The following PRKG1 variants were observed in gnomAD, a reference collection of about 807,000 sequenced individuals.
PRKG1 encodes protein kinase cGMP-dependent 1.
A neutral mutation model predicts 88.1 loss-of-function variants in PRKG1; 35 were observed. The observed-to-expected ratio is 0.40, with a 90% CI of 0.30 to 0.53. The LOEUF is 0.53. Among genes scored for constraint, PRKG1 ranks in the 20% least tolerant of loss-of-function variants. The pLI, the probability that PRKG1 is intolerant of heterozygous loss-of-function variation, is 0.59. For missense variants in PRKG1, 540 were observed against 839.8 expected (o/e 0.64, Z 4.41); for synonymous variants, 303 against 292.5 (o/e 1.04, Z -0.37).
At chr10:51,307,841 C>T (rs1841077913) in intron 2 of PRKG1, among the ~76,000 whole-genome samples, 2 of 151,992 alleles carry the variant, frequency 1.3e-5, no homozygotes, top group Admixed American at 6.6e-5. Context: ...GTATTAAGAG[C>T]AGATTAATAT....
chr10:51,574,488 C>T (rs12261557), intron 3 of PRKG1, among the ~76,000 whole-genome samples: 11,196 of 151,880 alleles, frequency 0.074, 1,375 homozygotes, highest in African/African-American at 0.25. Flanking sequence ...TAAATAATAA[C>T]GCTGTTAAGC....
At chr10:51,015,908 A>T (rs1336375081) in intron 1 of PRKG1, among the ~76,000 whole-genome samples, 3 of 152,120 alleles carry the variant, frequency 2.0e-5, no homozygotes, top group Non-Finnish European at 4.4e-5. Context: ...AAAAAAAGAG[A>T]TAGAGGAAGC....
rs1007864195 is a variant in PRKG1, at chr10:50,991,844, G to A, written c.266+200G>A. 2.6e-5 allele frequency among the ~76,000 whole-genome samples: 4 copies of A among 152,146 alleles called. No individual in the cohort carries two copies. Among genetic ancestry groups the A allele is most frequent in the African/African-American group, 9.6e-5 (4 of 41,452 alleles). ...CCCATCACGTGCTGTGCTTGTCTCC[G>A]CCGGGCTGGGAAAGGCGAGCTGCAC... On this transcript the variant is annotated intron_variant, in intron 1 of 17. Coordinates refer to the PRKG1 transcript ENST00000401604. The surrounding 1 kb of genome is among the most constrained non-coding windows in gnomAD (Gnocchi z 4.5).
At chr10:51,051,910 C>T (rs1021503243) in intron 1 of PRKG1, among the ~76,000 whole-genome samples, 5 of 151,952 alleles carry the variant, frequency 3.3e-5, no homozygotes, top group Non-Finnish European at 7.4e-5. Flanking sequence ...AATATTAACC[C>T]TAACTAACAC....
intron 2 of PRKG1, among the ~76,000 whole-genome samples, chr10:51,335,056 A>C (rs1588852632): frequency 8.7e-6 from 1 of 115,298 alleles, no homozygotes. Flanking sequence ...CCCAGGCTGG[A>C]GTTGGAGTGC....
chr10:51,425,259 G>C lies in PRKG1; in HGVS notation c.479-42464G>C, dbSNP rs192853639. ...ATGTGCTGAAACACAAATTATTAAT[G>C]TTTCTGATCATTACCCTAATAGATT... On this transcript the variant is annotated intron_variant, in intron 2 of 17. Transcript: ENST00000373980. Among the ~76,000 whole-genome samples the C allele has an allele frequency of 2.0e-5, 3 of 152,226 alleles. No homozygotes were observed. In the East Asian group the frequency reaches 5.8e-4, roughly 29 times the overall value.
At chr10:51,667,220 TGAAA>T (rs1478331434) in intron 3 of PRKG1, among the ~76,000 whole-genome samples, 3 of 152,240 alleles carry the variant, frequency 2.0e-5, no homozygotes, top group African/African-American at 7.2e-5. Context: ...TTTTCAAGAA[TGAAA>T]GAAAGCCAAT....
chr10:51,056,199 A>G (rs1478782619), intron 1 of PRKG1, among the ~76,000 whole-genome samples: 4 of 152,214 alleles, frequency 2.6e-5, no homozygotes, highest in African/African-American at 9.6e-5. Context: ...TAGCCCTTCA[A>G]TAATTTTCAC....
intron 8 of PRKG1, among the ~76,000 whole-genome samples, chr10:52,155,732 G>C (rs1296336645): frequency 6.8e-6 from 1 of 147,788 alleles, no homozygotes; most frequent in Non-Finnish European, 1.5e-5. Context: ...ATTGCCATTG[G>C]ACACACACAC....
At chr10:51,774,692 G>A (rs2132551503) in intron 3 of PRKG1, among the ~76,000 whole-genome samples, 1 of 152,142 alleles carries the variant, frequency 6.6e-6, no homozygotes. Context: ...ATTTTAAGCA[G>A]TTACTTTAAA....
At chr10:51,057,923 G>A (rs1196474975) in intron 1 of PRKG1, among the ~76,000 whole-genome samples, 1 of 152,014 alleles carries the variant, frequency 6.6e-6, no homozygotes, top group East Asian at 1.9e-4. Context: ...AATTAGTTTA[G>A]GTAGACGTTG....
intron 2 of PRKG1, among the ~76,000 whole-genome samples, chr10:51,317,700 G>C (rs1325932463): frequency 6.6e-6 from 1 of 152,114 alleles, no homozygotes; most frequent in African/African-American, 2.4e-5. Flanking sequence ...GATAACCTGG[G>C]GTTTATTCTG....
At chr10:51,825,296 A>G (rs905349321) in intron 4 of PRKG1, among the ~76,000 whole-genome samples, 3 of 152,150 alleles carry the variant, frequency 2.0e-5, no homozygotes, top group Non-Finnish European at 2.9e-5. Context: ...TCACATCTGC[A>G]TGATTTTTGC....
intron 5 of PRKG1, among the ~76,000 whole-genome samples, chr10:51,970,630 G>T (rs1223070262): frequency 2.0e-5 from 3 of 148,870 alleles, no homozygotes; most frequent in African/African-American, 4.9e-5. Context: ...GCTCACTGGT[G>T]TAGCTAGTTT....
chr10:51,846,159 G>T (rs1190703350), intron 4 of PRKG1, among the ~76,000 whole-genome samples: 1 of 152,128 alleles, frequency 6.6e-6, no homozygotes, highest in Non-Finnish European at 1.5e-5. Context: ...TGCTAATAAA[G>T]TTCATAGAAA....
At chr10:52,260,727 A>AACT (rs1554822131) in intron 10 of PRKG1, among the ~76,000 whole-genome samples, 4 of 151,594 alleles carry the variant, frequency 2.6e-5, no homozygotes, top group Admixed American at 6.6e-5. Context: ...GGTGAAAAAA[A>AACT]TAAAGTGTAT....
intron 9 of PRKG1, among the ~76,000 whole-genome samples, chr10:52,174,145 G>A (rs1202963138): frequency 1.3e-5 from 2 of 151,506 alleles, no homozygotes; most frequent in Non-Finnish European, 2.9e-5. Flanking sequence ...CCTTGTAATA[G>A]GACTCATGGT....
intron 2 of PRKG1, among the ~76,000 whole-genome samples, chr10:51,461,975 C>G (rs777564449): frequency 1.3e-5 from 2 of 152,214 alleles, no homozygotes; most frequent in Non-Finnish European, 2.9e-5. Context: ...AGCAGATCCA[C>G]AGATGAACCC....
intron 5 of PRKG1, among the ~76,000 whole-genome samples, chr10:51,971,824 T>C (rs1843720574): frequency 6.6e-6 from 1 of 152,132 alleles, no homozygotes; most frequent in African/African-American, 2.4e-5. Flanking sequence ...TGTTCAGCCT[T>C]GAAAAAATAT....
Sources: allele counts gnomAD v4.1 joint callset (sites outside exome capture counted in the v4.1 genomes callset), GRCh38; gene constraint gnomAD v4.1.1; non-coding constraint Gnocchi (gnomAD v3.1); transcripts MANE v1.5; gene names NCBI Gene and HGNC (gene_info 2026-07-23, HGNC 2026-07-21).